Variants in MON2 observed in about 807,000 individuals in gnomAD.
MON2 encodes protein MON2 homolog.
A neutral mutation model predicts 208.6 loss-of-function variants in MON2; 84 were observed. The ratio of observed to expected loss-of-function variants is 0.40; its 90% CI spans 0.34 to 0.48. MON2 has a LOEUF of 0.48. Among genes scored for constraint, MON2 ranks in the 20% least tolerant of loss-of-function variants. The pLI is 0.59. For missense variants in MON2, 1,611 were observed against 2,015.4 expected (o/e 0.80, Z 3.84); for synonymous variants, 660 against 694.0 (o/e 0.95, Z 0.77).
chr12:62,583,086 A>G (rs1035884521), intron 32 of MON2, among the ~76,000 whole-genome samples: 6 of 152,196 alleles, frequency 3.9e-5, no homozygotes, highest in Non-Finnish European at 8.8e-5. Context: ...TATTCCCAGC[A>G]TTTGGGAGGC....
intron 30 of MON2, 70 bp from the exon 31 acceptor site, chr12:62,578,375 T>A: frequency 9.9e-7 from 1 of 1,014,798 alleles, no homozygotes; most frequent in Non-Finnish European, 1.4e-6. Context: ...ATTTGAATAC[T>A]GTTTTTCTAT....
chr12:62,551,338 C>T (rs2073733606), intron 23 of MON2, among the ~76,000 whole-genome samples: 1 of 152,052 alleles, frequency 6.6e-6, no homozygotes, highest in South Asian at 2.1e-4. Context: ...GTTGTTGTAT[C>T]TCAAGAAATA....
chr12:62,597,575 T>C lies in MON2; in HGVS notation c.*4826T>C, dbSNP rs1319291494. On this transcript the variant is annotated 3_prime_UTR_variant, in exon 35 of 35. Coordinates refer to ENST00000393630, the MANE Select transcript of MON2 (RefSeq NM_015026.3). ...ATAAAAAACTAAAAATAAAAAAAAA[T>C]TGTGACTATAACTCCTACTGTCTTT... 6.6e-6 allele frequency: 1 copy of C among 152,116 alleles called. No homozygotes were observed. Among genetic ancestry groups the C allele is most frequent in the Non-Finnish European group, 1.5e-5 (1 of 68,016 alleles). The allele number at this position is 152,116 out of a possible 1,614,324, so 9.4% of individuals were successfully genotyped here. A position where few individuals can be genotyped will look rare whatever the true frequency, so the allele number is the denominator to read the frequency against.
intron 31 of MON2, among the ~76,000 whole-genome samples, chr12:62,578,765 T>G (rs7309464): frequency 0.046 from 7,027 of 152,234 alleles, 224 homozygotes; most frequent in Non-Finnish European, 0.059. Context: ...TAAAAAGAGT[T>G]TATTCGATGA....
At position 62,481,412 on chromosome 12, in the gene MON2, G is replaced by T. The variant is rs2069425541; in HGVS notation, c.112-2758G>T. ...GTGGTGGCGGGTGCCTGTAGTCCCA[G>T]CTGCTCAGGAGGCTGAGGCAGGAGA... is the stretch of plus-strand genomic sequence containing the variant. On this transcript the variant is annotated intron_variant, in intron 1 of 34. Coordinates refer to ENST00000393630, the MANE Select transcript of MON2 (RefSeq NM_015026.3). 3.3e-5 allele frequency among the ~76,000 whole-genome samples: 5 copies of T among 151,692 alleles called. No individual in the cohort carries two copies. In the South Asian group the frequency reaches 1.0e-3, roughly 32 times the overall value.
chr12:62,556,049 A>G lies in MON2; in HGVS notation c.3266A>G (p.Glu1089Gly). The G allele has an allele frequency of 6.2e-7, 1 of 1,613,866 alleles. No homozygotes were observed. Among genetic ancestry groups the G allele is most frequent in the Non-Finnish European group, 8.5e-7 (1 of 1,179,890 alleles). The change falls in exon 25 of 35, where the codon GAA becomes GGA. Residue 1089 changes from glutamate to glycine, a missense_variant. Glu to Gly is a moderately conservative substitution (Grantham distance 98). Coordinates refer to ENST00000393630, the MANE Select transcript of MON2 (RefSeq NM_015026.3). Reference protein sequence around the residue: ...VRESSTTADKEKIESGGGNIL... With the variant: ...VRESSTTADKGKIESGGGNIL... ...GAGTCCTCTACCACTGCAGACAAAG[A>G]AAAGATTGAGTCTGGAGGTGGCAAT...
intron 24 of MON2, 193 bp downstream of exon 24, chr12:62,553,367 CTCTGTT>C (rs892908843): frequency 1.4e-4 from 70 of 513,030 alleles, no homozygotes; most frequent in Non-Finnish European, 2.0e-4. Context: ...ACAGCCTTAT[CTCTGTT>C]TCTGTCTTCA....
Position 62,535,644 on chromosome 12 carries a change from C to T in MON2, c.1835C>T (p.Ser612Phe). 5.6e-6 allele frequency: 9 copies of T among 1,613,626 alleles called. No homozygotes were observed. Among genetic ancestry groups the T allele is most frequent in the Non-Finnish European group, 7.6e-6 (9 of 1,179,732 alleles). Residue 612 changes from serine (S) to phenylalanine (F), a missense_variant, in exon 14 of 35, where the codon TCC (serine) becomes TTC (phenylalanine). By Grantham distance (155) the Ser-to-Phe change is radical. Transcript: ENST00000393630. The part of the protein sequence containing the change: ...DAFITAICKG[S>F]LPPHYALTVL... The stretch of plus-strand genomic sequence containing the variant: ...TTTATAACTGCAATATGCAAAGGTT[C>T]CCTGCCTCCCCATTATGCTCTTACT...
intron 4 of MON2, among the ~76,000 whole-genome samples, chr12:62,497,362 A>G (rs2070573518): frequency 6.6e-6 from 1 of 152,178 alleles, no homozygotes; most frequent in Admixed American, 6.5e-5. Flanking sequence ...GTATGGACAA[A>G]TGGTTTCAAC....
intron 10 of MON2, 107 bp downstream of exon 10, chr12:62,525,327 C>T (rs2072275748): frequency 8.6e-7 from 1 of 1,157,748 alleles, no homozygotes; most frequent in South Asian, 1.5e-5. Context: ...ATTTGGGTTA[C>T]CTAAACATGT....
chr12:62,543,475 T>G (rs913416136), intron 20 of MON2, among the ~76,000 whole-genome samples: 1 of 152,220 alleles, frequency 6.6e-6, no homozygotes, highest in South Asian at 2.1e-4. Flanking sequence ...CTTTCTTTTA[T>G]CATACAGTCT....
Position 62,591,017 on chromosome 12 carries a change from A to G in MON2, c.4991-1569A>G, listed in dbSNP as rs570391016. Among the ~76,000 whole-genome samples, 16 of 152,348 alleles carry G rather than the reference A, an allele frequency of 1.1e-4. No individual in the cohort carries two copies. In the South Asian group the frequency reaches 3.1e-3, roughly 30 times the overall value. ...TTTGAGTTTAAGATGTCATCATAAC[A>G]TACTTTTGTGTTTTACCGTAATAAA... On this transcript the variant is annotated intron_variant, in intron 34 of 34. Coordinates refer to ENST00000393630, the MANE Select transcript of MON2 (RefSeq NM_015026.3).
chr12:62,576,911 G>A (rs1421783948), intron 30 of MON2, among the ~76,000 whole-genome samples: 1 of 151,286 alleles, frequency 6.6e-6, no homozygotes, highest in African/African-American at 2.4e-5. Flanking sequence ...ATACACCTTA[G>A]CACACAGTAT....
rs2072154865 is a variant in MON2 at position 62,523,235 on chromosome 12, A to C, written c.985-1280A>C. On this transcript the variant is annotated intron_variant, in intron 8 of 34. Coordinates refer to ENST00000393630, the MANE Select transcript of MON2 (RefSeq NM_015026.3). ...AAGAGGTGTCATTTTGTTTAGAAAAAATAATGCCCTATTCATTTGCATGGC... is the reference window on the plus strand; with the variant it reads ...AAGAGGTGTCATTTTGTTTAGAAAACATAATGCCCTATTCATTTGCATGGC... 2.0e-5 allele frequency among the ~76,000 whole-genome samples: 3 copies of C among 152,186 alleles called. No individual in the cohort carries two copies. The South Asian group carries it at 6.2e-4, about 31-fold the overall frequency.
intron 26 of MON2, among the ~76,000 whole-genome samples, chr12:62,564,143 C>G (rs1159478971): frequency 6.6e-6 from 1 of 152,088 alleles, no homozygotes; most frequent in Non-Finnish European, 1.5e-5. Context: ...TGCATATCTA[C>G]TTTATATCTC....
At chr12:62,523,823 A>G (rs529597839) in intron 8 of MON2, among the ~76,000 whole-genome samples, 3 of 152,300 alleles carry the variant, frequency 2.0e-5, no homozygotes, top group Middle Eastern at 3.4e-3. Flanking sequence ...AGTAACAAAA[A>G]CAATCCATTT....
At chr12:62,489,495 A>G (rs1158304634) in intron 2 of MON2, among the ~76,000 whole-genome samples, 1 of 151,798 alleles carries the variant, frequency 6.6e-6, no homozygotes, top group African/African-American at 2.4e-5. Context: ...TTACCTTTTG[A>G]TTTTTTTATC....
At chr12:62,553,699 A>C (rs1055935666) in intron 24 of MON2, among the ~76,000 whole-genome samples, 7 of 152,212 alleles carry the variant, frequency 4.6e-5, no homozygotes, top group Non-Finnish European at 1.0e-4. Context: ...TTATTCATTA[A>C]ATTACAATTT....
intron 8 of MON2, among the ~76,000 whole-genome samples, chr12:62,512,102 C>T (rs149912243): frequency 0.032 from 4,918 of 152,208 alleles, 286 homozygotes; most frequent in African/African-American, 0.11. Context: ...TCCCACAACA[C>T]GTAGGAATTC....
Sources: gnomAD v4.1 joint callset for allele counts (sites outside exome capture counted in the v4.1 genomes callset) on GRCh38, gnomAD v4.1.1 for gene constraint, MANE v1.5 for transcripts, NCBI Gene and HGNC (gene_info 2026-07-23, HGNC 2026-07-21) for gene names.